RAB18: variants seen among roughly 807,000 people sequenced by gnomAD.
RAB18 encodes ras-related protein Rab-18.
RAB18 carries 10 observed loss-of-function variants against 28.5 expected under a neutral mutation model. That is an observed-to-expected ratio of 0.35 (90% CI 0.22 to 0.60). The LOEUF (loss-of-function observed/expected upper bound fraction) is 0.60, where lower values mean the gene tolerates loss of function less well. Ranked by LOEUF, RAB18 falls within the 20% of genes least tolerant of loss-of-function variation. The probability of loss-of-function intolerance (pLI) is 0.78; values close to 1 mark genes in which losing one functional copy is unlikely to be tolerated. For missense variants in RAB18, 188 were observed against 244.2 expected, an observed-to-expected ratio of 0.77 and a Z score of 1.53; for synonymous variants, 93 against 86.9, an observed-to-expected ratio of 1.07 and a Z score of -0.39.
chr10:27,522,426 C>T (rs1195649996), intron 2 of RAB18, among the ~76,000 whole-genome samples: 4 of 152,168 alleles, frequency 2.6e-5, no homozygotes. Flanking sequence ...TCCTTTCACT[C>T]TCAACCTATA....
intron 2 of RAB18, among the ~76,000 whole-genome samples, chr10:27,511,498 G>A (rs947079234): frequency 3.3e-5 from 5 of 152,102 alleles, no homozygotes; most frequent in African/African-American, 4.8e-5. Context: ...GAGCCACCGC[G>A]TCGAGCCTCT....
At position 27,538,967 on chromosome 10, in the gene RAB18, C is replaced by T. The variant is rs1378579794; in HGVS notation, c.*916C>T. Reference sequence around the variant, plus strand: ...GCTTCCATAATGGCTAGTTGATATTCAAAAACCTATTTCTGTGTTTTGAGG... The same window carrying T: ...GCTTCCATAATGGCTAGTTGATATTTAAAAACCTATTTCTGTGTTTTGAGG... On this transcript the variant is annotated 3_prime_UTR_variant, in exon 7 of 7. Transcript: ENST00000356940. 4.5e-6 allele frequency: 2 copies of T among 441,740 alleles called. No homozygotes were observed. The highest frequency in any genetic ancestry group is 9.1e-6 in the Non-Finnish European group (2 of 219,354). 27.4% of individuals were successfully genotyped at this position (441,740 alleles called of 1,614,324 possible). A position where few individuals can be genotyped will look rare whatever the true frequency, so the allele number is the denominator to read the frequency against.
chr10:27,511,253 A>G (rs1834316676), intron 2 of RAB18, among the ~76,000 whole-genome samples: 1 of 152,188 alleles, frequency 6.6e-6, no homozygotes, highest in East Asian at 1.9e-4. Context: ...GCTCAGGCTG[A>G]GTGCAGTGGC....
intron 1 of RAB18, among the ~76,000 whole-genome samples, chr10:27,506,529 C>T (rs546984970): frequency 3.3e-5 from 5 of 152,060 alleles, no homozygotes; most frequent in African/African-American, 9.6e-5. Flanking sequence ...CACTGTGTTG[C>T]CCAGGCTGTC....
In RAB18 at chr10:27,541,575, G is replaced by T; in HGVS notation, c.*3524G>T. ...CTACACACATATTTTGAATAGTCGT[G>T]TGTTCATGCCTGTTCTCAGTCTTGT... On this transcript the variant is annotated 3_prime_UTR_variant, in exon 7 of 7. Transcript: ENST00000356940. 2.2e-6 allele frequency: 1 copy of T among 453,206 alleles called. No individual in the cohort carries two copies. The highest frequency in any genetic ancestry group is 4.4e-6 in the Non-Finnish European group (1 of 226,682). The allele number at this position is 453,206 out of a possible 1,614,324, so 28.1% of individuals were successfully genotyped here.
Position 27,540,932 on chromosome 10 carries a change from C to T in RAB18, c.*2881C>T, listed in dbSNP as rs1339171933. 4 of 453,962 alleles carry T rather than the reference C, an allele frequency of 8.8e-6. No homozygotes were observed. The highest frequency in any genetic ancestry group is 8.0e-5 in the African/African-American group (4 of 50,002). The allele number at this position is 453,962 out of a possible 1,614,324, so 28.1% of individuals were successfully genotyped here. A position where few individuals can be genotyped will look rare whatever the true frequency, so the allele number is the denominator to read the frequency against. On this transcript the variant is annotated 3_prime_UTR_variant, in exon 7 of 7. Coordinates refer to ENST00000356940, the MANE Select transcript of RAB18 (RefSeq NM_021252.5). ...AATCCTTCTTACACCAGTACTTGTTCTGCCTGTGAGTTGGCACAGACTTAC... is the reference window on the plus strand; with the variant it reads ...AATCCTTCTTACACCAGTACTTGTTTTGCCTGTGAGTTGGCACAGACTTAC...
chr10:27,535,586 A>G (rs1457822045), intron 6 of RAB18, among the ~76,000 whole-genome samples: 1 of 152,168 alleles, frequency 6.6e-6, no homozygotes, highest in Non-Finnish European at 1.5e-5. Context: ...GTGTGACCTG[A>G]TACTCTAAAA....
chr10:27,540,527 G>A lies in RAB18; in HGVS notation c.*2476G>A, dbSNP rs12267298. The A allele has an allele frequency of 0.016, 7,131 of 454,024 alleles. 402 individuals carry two copies. The highest frequency in any genetic ancestry group is 0.13 in the African/African-American group (6,292 of 50,090). The allele number at this position is 454,024 out of a possible 1,614,324, so 28.1% of individuals were successfully genotyped here. Reference sequence around the variant, plus strand: ...GTATTTCACACTTTTGGGTTATAGAGTAAATCCCATGATGTAAACCTACCT... The same window carrying A: ...GTATTTCACACTTTTGGGTTATAGAATAAATCCCATGATGTAAACCTACCT... On this transcript the variant is annotated 3_prime_UTR_variant, in exon 7 of 7. Transcript: ENST00000356940.
rs140686479 is a variant in RAB18 at position 27,533,934 on chromosome 10, C to A, written c.385C>A (p.Arg129Ser). Residue 129 changes from arginine (R) to serine (S), a missense_variant, in exon 6 of 7, where the codon CGT becomes AGT. Physicochemically the swap from Arg to Ser is moderately radical, Grantham distance 110. Coordinates refer to ENST00000356940, the MANE Select transcript of RAB18 (RefSeq NM_021252.5). Reference protein sequence around the residue: ...LVGNKIDKENREVDRNEGLKF... With the variant: ...LVGNKIDKENSEVDRNEGLKF... Reference sequence around the variant, plus strand: ...CATTGCATTTATATTTTAGGAAAATCGTGAAGTCGATAGAAATGAAGGCCT... The same window carrying A: ...CATTGCATTTATATTTTAGGAAAATAGTGAAGTCGATAGAAATGAAGGCCT... 6.2e-7 allele frequency: 1 copy of A among 1,610,300 alleles called. No individual in the cohort carries two copies. The highest frequency in any genetic ancestry group is 1.7e-5 in the Admixed American group (1 of 60,014).
chr10:27,504,539 G>A, intron 1 of RAB18, 102 bp downstream of exon 1: 1 of 1,325,964 alleles, frequency 7.5e-7, no homozygotes, highest in Non-Finnish European at 1.1e-6. Flanking sequence ...TGCAGCGGCG[G>A]GCTCGGGCCG....
At chr10:27,519,534 A>C (rs1834505228) in intron 2 of RAB18, among the ~76,000 whole-genome samples, 1 of 152,138 alleles carries the variant, frequency 6.6e-6, no homozygotes, top group Non-Finnish European at 1.5e-5. Context: ...TCTGTTTATT[A>C]GTAATGAATA....
At chr10:27,531,503 A>G (rs777295636) in intron 3 of RAB18, 3 of 1,542,856 alleles carry the variant, frequency 1.9e-6, no homozygotes, top group East Asian at 2.5e-5. Flanking sequence ...GGTTTGATAC[A>G]TGTTTTTACT....
chr10:27,537,002 G>A (rs917594580), intron 6 of RAB18, among the ~76,000 whole-genome samples: 4 of 152,198 alleles, frequency 2.6e-5, no homozygotes, highest in Non-Finnish European at 5.9e-5. Context: ...TAATAGGATG[G>A]AAAATAATTC....
chr10:27,518,954 G>T (rs1298173397), intron 2 of RAB18, among the ~76,000 whole-genome samples: 30 of 149,322 alleles, frequency 2.0e-4, no homozygotes, highest in Admixed American at 2.0e-3. Context: ...GAGGTATGAA[G>T]TTCTTTTTTT....
chr10:27,509,800 A>C, intron 1 of RAB18, 75 bp from the exon 2 acceptor site: 1 of 1,238,832 alleles, frequency 8.1e-7, no homozygotes, highest in African/African-American at 1.5e-5. Context: ...ATTTGTGACC[A>C]AATAATCATG....
At chr10:27,522,469 G>A (rs1029047321) in intron 2 of RAB18, among the ~76,000 whole-genome samples, 14 of 152,102 alleles carry the variant, frequency 9.2e-5, no homozygotes, top group Non-Finnish European at 1.5e-4. Context: ...ATCTCTGATA[G>A]AAAGCATGTA....
At chr10:27,527,005 T>C (rs780843513) in intron 3 of RAB18, 116 bp downstream of exon 3, 3 of 1,118,086 alleles carry the variant, frequency 2.7e-6, no homozygotes, top group East Asian at 2.4e-5. Flanking sequence ...TAAATAACTT[T>C]TGGGAGATTT....
intron 3 of RAB18, among the ~76,000 whole-genome samples, chr10:27,528,026 G>T (rs1360178296): frequency 6.6e-6 from 1 of 152,066 alleles, no homozygotes; most frequent in Non-Finnish European, 1.5e-5. Flanking sequence ...CTAGAGTATG[G>T]TAAAATGTGT....
At chr10:27,535,936 C>G (rs1224734643) in intron 6 of RAB18, among the ~76,000 whole-genome samples, 1 of 151,866 alleles carries the variant, frequency 6.6e-6, no homozygotes, top group African/African-American at 2.4e-5. Flanking sequence ...ACAAAAAATT[C>G]ACCGGGCGTG....
Sources: allele counts gnomAD v4.1 joint callset (sites outside exome capture counted in the v4.1 genomes callset), GRCh38; gene constraint gnomAD v4.1.1; transcripts MANE v1.5; gene names NCBI Gene and HGNC (gene_info 2026-07-23, HGNC 2026-07-21).